Variants in EDIL3 observed in about 807,000 individuals in gnomAD.
The protein encoded by EDIL3 is EGF like and discoidin domains 3, also known as EGF-like repeat and discoidin I-like domain-containing protein 3.
Under a neutral mutation model 67.4 loss-of-function variants are expected in EDIL3, and 37 were observed. The ratio of observed to expected loss-of-function variants is 0.55; its 90% CI spans 0.42 to 0.72. The LOEUF (loss-of-function observed/expected upper bound fraction) is 0.72. Among genes scored for constraint, EDIL3 ranks in the 30% least tolerant of loss-of-function variants. The pLI is 0.00. For missense variants in EDIL3, 527 were observed against 586.3 expected, an observed-to-expected ratio of 0.90 and a Z score of 1.04; for synonymous variants, 195 against 196.3, an observed-to-expected ratio of 0.99 and a Z score of 0.05.
At chr5:84,298,324 T>C (rs1284957321) in intron 1 of EDIL3, among the ~76,000 whole-genome samples, 2 of 152,066 alleles carry the variant, frequency 1.3e-5, no homozygotes, top group Non-Finnish European at 2.9e-5. Context: ...GATCATGTCT[T>C]TTGCAGAGCC....
intron 1 of EDIL3, among the ~76,000 whole-genome samples, chr5:84,307,803 T>A (rs775096926): frequency 6.6e-6 from 1 of 152,006 alleles, no homozygotes; most frequent in Non-Finnish European, 1.5e-5. Context: ...CAGAAGAAAG[T>A]CTGGTCTCTA....
chr5:84,049,402 T>C (rs1385148602), intron 9 of EDIL3, among the ~76,000 whole-genome samples: 1 of 152,226 alleles, frequency 6.6e-6, no homozygotes, highest in Non-Finnish European at 1.5e-5. Flanking sequence ...GAGTACCTAC[T>C]GCATGCTTCC....
intron 9 of EDIL3, among the ~76,000 whole-genome samples, chr5:84,055,458 G>A (rs1015833307): frequency 4.1e-5 from 6 of 147,798 alleles, no homozygotes; most frequent in Non-Finnish European, 7.4e-5. Context: ...ATTGACAAAT[G>A]GGATCTAATT....
chr5:84,333,139 G>A (rs887271960), intron 1 of EDIL3, among the ~76,000 whole-genome samples: 4 of 151,858 alleles, frequency 2.6e-5, no homozygotes, highest in African/African-American at 7.3e-5. Context: ...TTTTAGAGTC[G>A]GACTACTAAA....
intron 1 of EDIL3, among the ~76,000 whole-genome samples, chr5:84,348,672 A>G (rs1310412436): frequency 1.3e-5 from 2 of 151,912 alleles, no homozygotes; most frequent in African/African-American, 4.8e-5. Context: ...AGAAGCATAC[A>G]CTGAAACATA....
At chr5:83,950,663 T>G (rs1447490361) in intron 10 of EDIL3, among the ~76,000 whole-genome samples, 3 of 151,860 alleles carry the variant, frequency 2.0e-5, no homozygotes, top group African/African-American at 7.2e-5. Context: ...TGTTCTTATT[T>G]TCAATTTCTG....
Position 84,060,437 on chromosome 5 carries a change from G to C in EDIL3, c.1000C>G (p.Gln334Glu). The change falls in exon 9 of 11, where the codon CAG (glutamine) becomes GAG (glutamate). Residue 334 changes from glutamine to glutamate, a missense_variant. Gln to Glu is a conservative substitution (Grantham distance 29). This residue lies in a region of EDIL3 where 494 missense variants were observed against 522.5 expected (regional missense o/e 0.95). Coordinates refer to ENST00000296591, the MANE Select transcript of EDIL3 (RefSeq NM_005711.5). ...CTGAAGATGCTGGAGGCAGTGATCTGATAGTCTTGTATATGTCCTGATTTC... is the reference window on the plus strand; with the variant it reads ...CTGAAGATGCTGGAGGCAGTGATCTCATAGTCTTGTATATGTCCTGATTTC... ...GMKSGHIQDY[Q>E]ITASSIFRTL... The C allele has an allele frequency of 6.2e-7, 1 of 1,613,780 alleles. No individual in the cohort carries two copies. Among genetic ancestry groups the C allele is most frequent in the East Asian group, 2.2e-5 (1 of 44,874 alleles).
intron 1 of EDIL3, among the ~76,000 whole-genome samples, chr5:84,345,259 T>C (rs761673628): frequency 4.6e-5 from 7 of 152,102 alleles, no homozygotes; most frequent in Non-Finnish European, 5.9e-5. Flanking sequence ...ATTTGAGACA[T>C]CCTAAGCATA....
At chr5:84,162,992 A>T (rs1748641584) in intron 4 of EDIL3, among the ~76,000 whole-genome samples, 1 of 152,134 alleles carries the variant, frequency 6.6e-6, no homozygotes, top group Non-Finnish European at 1.5e-5. Context: ...TTTCAGTAAT[A>T]ACATACTTAA....
intron 5 of EDIL3, among the ~76,000 whole-genome samples, chr5:84,135,655 A>G (rs990066138): frequency 1.3e-5 from 2 of 152,130 alleles, no homozygotes; most frequent in African/African-American, 4.8e-5. Flanking sequence ...TGATTAGTTA[A>G]ATGCTTCACG....
chr5:84,230,759 C>A (rs1239270386), intron 2 of EDIL3, among the ~76,000 whole-genome samples: 4 of 40,972 alleles, frequency 9.8e-5, no homozygotes, highest in African/African-American at 1.7e-4. Context: ...TCTCCCACTA[C>A]GTGATGTGTG....
At chr5:84,050,363 C>T (rs1746311048) in intron 9 of EDIL3, among the ~76,000 whole-genome samples, 1 of 152,112 alleles carries the variant, frequency 6.6e-6, no homozygotes, top group Admixed American at 6.5e-5. Flanking sequence ...AGGAACAGCT[C>T]CAGTCTACAG....
intron 3 of EDIL3, among the ~76,000 whole-genome samples, chr5:84,213,215 A>G (rs974937338): frequency 6.6e-6 from 1 of 151,690 alleles, no homozygotes; most frequent in Admixed American, 6.6e-5. Context: ...ACGATCTTAT[A>G]AATAAGACTT....
chr5:84,172,039 A>C (rs79735400), intron 4 of EDIL3, among the ~76,000 whole-genome samples: 237 of 152,268 alleles, frequency 1.6e-3, no homozygotes, highest in African/African-American at 5.7e-3. Context: ...CTGTATACTT[A>C]TCTGGACCCC....
intron 1 of EDIL3, among the ~76,000 whole-genome samples, chr5:84,377,118 A>G (rs1747983055): frequency 6.6e-6 from 1 of 152,132 alleles, no homozygotes. Context: ...CGAGGTCAGG[A>G]GATTGAGACC....
chr5:84,074,947 C>A (rs1479859196), intron 6 of EDIL3, among the ~76,000 whole-genome samples: 1 of 152,298 alleles, frequency 6.6e-6, no homozygotes, highest in Non-Finnish European at 1.5e-5. Flanking sequence ...TTGGAACCAA[C>A]CCGAATGTCC....
At chr5:84,133,026 G>A (rs539840856) in intron 5 of EDIL3, among the ~76,000 whole-genome samples, 9 of 152,030 alleles carry the variant, frequency 5.9e-5, no homozygotes, top group Non-Finnish European at 1.3e-4. Context: ...TGATAAAAAT[G>A]AATTTGAGTG....
At chr5:84,064,943 G>T (rs1746610164) in intron 7 of EDIL3, 99 bp from the exon 8 acceptor site, 1 of 1,386,258 alleles carries the variant, frequency 7.2e-7, no homozygotes, top group Admixed American at 2.6e-5. Flanking sequence ...ATTGTTCGAA[G>T]AACAGATTAC....
chr5:84,090,872 C>T lies in EDIL3; in HGVS notation c.651+15777G>A, dbSNP rs149452812. Among the ~76,000 whole-genome samples the T allele has an allele frequency of 2.3e-3, 355 of 151,416 alleles. 3 individuals carry two copies. Among genetic ancestry groups the T allele is most frequent in the African/African-American group, 7.4e-3 (306 of 41,230 alleles). ...CTGAGGCAGGAGAATCGCTTGAACC[C>T]GGGAGGCGGAGGTTGCAGTGAGCTG... On this transcript the variant is annotated intron_variant, in intron 6 of 10. Coordinates refer to ENST00000296591, the MANE Select transcript of EDIL3 (RefSeq NM_005711.5).
Sources: allele counts gnomAD v4.1 joint callset (sites outside exome capture counted in the v4.1 genomes callset), GRCh38; gene constraint gnomAD v4.1.1; regional missense constraint gnomAD v4.1.1; transcripts MANE v1.5; gene names NCBI Gene and HGNC (gene_info 2026-07-23, HGNC 2026-07-21).